The following CERT1 variants were observed in gnomAD, a reference collection of about 807,000 sequenced individuals.
CERT1 encodes the protein ceramide transporter 1.
A neutral mutation model predicts 87.9 loss-of-function variants in CERT1; 31 were observed. The observed-to-expected ratio is 0.35, with a 90% CI of 0.27 to 0.48. The LOEUF (loss-of-function observed/expected upper bound fraction) is 0.48, where lower values mean the gene tolerates loss of function less well. CERT1 is among the 20% of genes least tolerant of loss of function. The probability of loss-of-function intolerance (pLI) is 0.99; values close to 1 mark genes in which losing one functional copy is unlikely to be tolerated. For missense variants in CERT1, 487 were observed against 758.0 expected (o/e 0.64, Z 4.20); for synonymous variants, 289 against 250.9 (o/e 1.15, Z -1.44).
chr5:75,393,597 C>T (rs758314360), intron 11 of CERT1, among the ~76,000 whole-genome samples: 8 of 12,734 alleles, frequency 6.3e-4, no homozygotes, highest in Non-Finnish European at 1.0e-3. Flanking sequence ...AAGACCTCAT[C>T]TACTTAAAAA....
chr5:75,377,739 A>AC (rs1761380896), downstream of CERT1: 1 of 152,236 alleles, frequency 6.6e-6, no homozygotes, highest in African/African-American at 2.4e-5. Context: ...TGTTAATACT[A>AC]TATGGTGAAT....
At chr5:75,503,870 T>TAAACA (rs1419657533) in intron 2 of CERT1, among the ~76,000 whole-genome samples, 1 of 115,584 alleles carries the variant, frequency 8.7e-6, no homozygotes, top group African/African-American at 3.3e-5. Flanking sequence ...ACATTTAAAT[T>TAAACA]TTTTGTTTAA....
intron 3 of CERT1, among the ~76,000 whole-genome samples, chr5:75,443,924 TAA>T (rs986571951): frequency 2.0e-5 from 3 of 152,224 alleles, no homozygotes; most frequent in African/African-American, 7.2e-5. Flanking sequence ...TTCTCTAACT[TAA>T]AGTCTATTTT....
intron 2 of CERT1, among the ~76,000 whole-genome samples, chr5:75,479,348 G>C (rs1405319692): frequency 6.6e-6 from 1 of 151,828 alleles, no homozygotes; most frequent in Admixed American, 6.6e-5. Context: ...TGTTACATAG[G>C]TGAACTCTTA....
chr5:75,481,005 G>C (rs950552476), intron 2 of CERT1, among the ~76,000 whole-genome samples: 1 of 152,116 alleles, frequency 6.6e-6, no homozygotes, highest in Admixed American at 6.5e-5. Flanking sequence ...AGCAGCCCAA[G>C]TGATCCTGTT....
intron 9 of CERT1, chr5:75,401,085 TG>T (rs1347429428): frequency 6.6e-6 from 1 of 152,224 alleles, no homozygotes; most frequent in Admixed American, 6.5e-5. Flanking sequence ...ACTGATTTTA[TG>T]GATTACTGAA....
At chr5:75,394,190 C>G (rs1762153436) in intron 11 of CERT1, among the ~76,000 whole-genome samples, 1 of 152,074 alleles carries the variant, frequency 6.6e-6, no homozygotes, top group Non-Finnish European at 1.5e-5. Context: ...GCTGGTTCAA[C>G]TTTTCTAATG....
chr5:75,435,242 G>A (rs1051612739), intron 3 of CERT1, among the ~76,000 whole-genome samples: 10 of 152,162 alleles, frequency 6.6e-5, no homozygotes, highest in African/African-American at 2.4e-4. Flanking sequence ...TACTTCCACT[G>A]TGTTCTGAAA....
intron 5 of CERT1, among the ~76,000 whole-genome samples, chr5:75,421,138 C>G (rs181697866): frequency 1.9e-4 from 29 of 152,302 alleles, no homozygotes; most frequent in Admixed American, 5.2e-4. Flanking sequence ...TTCAGGAACT[C>G]CCTTTATAAA....
chr5:75,444,239 A>G (rs1404061012), intron 3 of CERT1, among the ~76,000 whole-genome samples: 6 of 152,056 alleles, frequency 3.9e-5, no homozygotes, highest in Non-Finnish European at 7.4e-5. Context: ...TAGTTTTAGT[A>G]GAGATGAAGT....
intron 3 of CERT1, among the ~76,000 whole-genome samples, chr5:75,455,510 C>G (rs891418802): frequency 6.6e-6 from 1 of 152,096 alleles, no homozygotes; most frequent in Non-Finnish European, 1.5e-5. Flanking sequence ...AAATCATGGT[C>G]CAAAATCACA....
chr5:75,505,883 T>A, intron 2 of CERT1, 99 bp downstream of exon 2: 1 of 872,432 alleles, frequency 1.1e-6, no homozygotes, highest in Non-Finnish European at 1.8e-6. Flanking sequence ...CAAGGATCTT[T>A]ATCTTATCCA....
At chr5:75,495,854 G>T (rs548869015) in intron 2 of CERT1, among the ~76,000 whole-genome samples, 1 of 152,030 alleles carries the variant, frequency 6.6e-6, no homozygotes, top group African/African-American at 2.4e-5. Flanking sequence ...ACACCAGCAT[G>T]GCACATGCAT....
intron 2 of CERT1, among the ~76,000 whole-genome samples, chr5:75,490,164 G>A (rs1410290350): frequency 6.6e-6 from 1 of 152,136 alleles, no homozygotes; most frequent in Non-Finnish European, 1.5e-5. Context: ...TATGAGCACA[G>A]GGATGGGAAC....
At chr5:75,425,205 C>T in intron 5 of CERT1, 156 bp downstream of exon 5, 1 of 615,052 alleles carries the variant, frequency 1.6e-6, no homozygotes, top group Non-Finnish European at 2.8e-6. Flanking sequence ...ACTGAAGTAC[C>T]CAAGTTACAA....
At chr5:75,471,198 T>A (rs1580817486) in intron 2 of CERT1, among the ~76,000 whole-genome samples, 1 of 152,168 alleles carries the variant, frequency 6.6e-6, no homozygotes, top group Non-Finnish European at 1.5e-5. Context: ...TTTGGTGATT[T>A]CGTCAGCTAT....
At chr5:75,434,186 GTTTTTT>G (rs370209071) in intron 3 of CERT1, among the ~76,000 whole-genome samples, 1 of 126,772 alleles carries the variant, frequency 7.9e-6, no homozygotes, top group Admixed American at 7.9e-5. Flanking sequence ...GTTTGTTGAG[GTTTTTT>G]TTTTTTTTTT....
At chr5:75,379,582 T>G (rs1761473438) in intron 16 of CERT1, 109 bp from the exon 17 acceptor site, 1 of 1,005,460 alleles carries the variant, frequency 9.9e-7, no homozygotes, top group Non-Finnish European at 1.5e-6. Flanking sequence ...TTGGACCAAT[T>G]AGCATCTTTT....
Position 75,419,274 on chromosome 5 carries a change from T to C in CERT1, c.679+67A>G. The C allele has an allele frequency of 2.0e-6, 2 of 1,018,496 alleles. 1 individual carries two copies. The highest frequency in any genetic ancestry group is 4.2e-4 in the Middle Eastern group (2 of 4,768). The allele number at this position is 1,018,496 out of a possible 1,614,324, so 63.1% of individuals were successfully genotyped here. A position where few individuals can be genotyped will look rare whatever the true frequency, so the allele number is the denominator to read the frequency against. ...AAAAAATTAATCAGGTAATTATTTC[T>C]TGTGAGTTGTTACATAACTTCTGAA... On this transcript the variant is annotated intron_variant, in intron 6 of 16. Transcript: ENST00000643780.
Sources: gnomAD v4.1 joint callset for allele counts (sites outside exome capture counted in the v4.1 genomes callset) on GRCh38, gnomAD v4.1.1 for gene constraint, MANE v1.5 for transcripts, NCBI Gene and HGNC (gene_info 2026-07-23, HGNC 2026-07-21) for gene names.